CTNND2: variants seen among roughly 807,000 people sequenced by gnomAD.
CTNND2 encodes catenin delta-2.
In CTNND2, 22 loss-of-function variants were observed where a neutral mutation model predicts 144.4. The ratio of observed to expected loss-of-function variants is 0.15; its 90% CI spans 0.11 to 0.22. CTNND2 has a LOEUF of 0.22. CTNND2 is among the 10% of genes least tolerant of loss of function. The pLI is 1.00. For synonymous variants in CTNND2, 751 were observed against 695.6 expected (o/e 1.08, Z -1.25); for missense variants, 1,353 against 1,618.8 (o/e 0.84, Z 2.82).
chr5:11,459,999 A>C (rs778509608), intron 3 of CTNND2, among the ~76,000 whole-genome samples: 1 of 152,194 alleles, frequency 6.6e-6, no homozygotes, highest in Non-Finnish European at 1.5e-5. Flanking sequence ...AATTTTGATG[A>C]AGCTGAACCT....
chr5:11,524,634 T>C (rs1773054791), intron 3 of CTNND2, among the ~76,000 whole-genome samples: 1 of 152,214 alleles, frequency 6.6e-6, no homozygotes, highest in African/African-American at 2.4e-5. Context: ...GATAAGCTTC[T>C]GTCTGTTCCC....
At chr5:11,442,125 G>A (rs1166634830) in intron 3 of CTNND2, among the ~76,000 whole-genome samples, 1 of 152,110 alleles carries the variant, frequency 6.6e-6, no homozygotes, top group African/African-American at 2.4e-5. Flanking sequence ...TTATAATTCT[G>A]TGAGTCAGAG....
intron 18 of CTNND2, among the ~76,000 whole-genome samples, chr5:10,996,013 A>G (rs1189833765): frequency 6.6e-6 from 1 of 152,112 alleles, no homozygotes; most frequent in African/African-American, 2.4e-5. Flanking sequence ...GGGGATGTGG[A>G]GTGGTCCTTG....
rs889013752 is a variant in CTNND2, at chr5:11,776,783, T to C, written c.38-44511A>G. Among the ~76,000 whole-genome samples the C allele has an allele frequency of 3.9e-5, 6 of 152,158 alleles. No individual in the cohort carries two copies. The South Asian group carries it at 8.3e-4, about 21-fold the overall frequency. On this transcript the variant is annotated intron_variant, in intron 1 of 21. Coordinates refer to ENST00000304623, the MANE Select transcript of CTNND2 (RefSeq NM_001332.4). ...ATTACTTTTAAAAAACAAAATTACT[T>C]TAAAAAAAGGCATAATGTTGATCAC...
intron 9 of CTNND2, among the ~76,000 whole-genome samples, chr5:11,272,372 AT>A (rs1223023699): frequency 3.9e-5 from 6 of 152,016 alleles, no homozygotes; most frequent in African/African-American, 4.8e-5. Context: ...AGTCTAGGAA[AT>A]TTTTTTTGAA....
chr5:11,725,499 T>C (rs951587403), intron 2 of CTNND2, among the ~76,000 whole-genome samples: 2 of 152,168 alleles, frequency 1.3e-5, no homozygotes, highest in Non-Finnish European at 1.5e-5. Context: ...AACTTGACCT[T>C]AGCAAAACCT....
rs1561669477 is a variant in CTNND2 at position 11,662,244 on chromosome 5, C to CAT, written c.174+69890_174+69891dup. 2.4e-5 allele frequency among the ~76,000 whole-genome samples: 3 copies of CAT among 126,002 alleles called. No homozygotes were observed. In the East Asian group the frequency reaches 6.4e-4, roughly 27 times the overall value. The allele number at this position is 126,002 out of a possible 152,430, so 82.7% of individuals were successfully genotyped here. A position where few individuals can be genotyped will look rare whatever the true frequency, so the allele number is the denominator to read the frequency against. On this transcript the variant is annotated intron_variant, in intron 2 of 21. Coordinates refer to ENST00000304623, the MANE Select transcript of CTNND2 (RefSeq NM_001332.4). ...ATATGTGTATATATGTATATATATACATATATGTGTGTATATATGTGTGTG... is the reference window on the plus strand; with the variant it reads ...ATATGTGTATATATGTATATATATACATATATATGTGTGTATATATGTGTGTG...
At chr5:11,412,510 A>T (rs61749763) in intron 3 of CTNND2, among the ~76,000 whole-genome samples, 1 of 152,156 alleles carries the variant, frequency 6.6e-6, no homozygotes, top group South Asian at 2.1e-4. Context: ...GCCATATCAT[A>T]TTAAAATTTC....
chr5:11,030,604 T>C (rs1161035413), intron 16 of CTNND2, among the ~76,000 whole-genome samples: 1 of 152,116 alleles, frequency 6.6e-6, no homozygotes, highest in Non-Finnish European at 1.5e-5. Context: ...AGGTTTTCTA[T>C]GCCTTTATTT....
chr5:11,141,520 T>G (rs139811422), intron 12 of CTNND2, among the ~76,000 whole-genome samples: 19 of 152,314 alleles, frequency 1.2e-4, no homozygotes, highest in African/African-American at 4.3e-4. Flanking sequence ...GCTTAGTTAT[T>G]CTAAGAATAG....
chr5:11,623,802 G>GTGTA (rs1180228319), intron 2 of CTNND2, among the ~76,000 whole-genome samples: 9 of 38,546 alleles, frequency 2.3e-4, no homozygotes, highest in African/African-American at 6.3e-4. Context: ...ATATATATGT[G>GTGTA]TGTATGTATA....
chr5:11,346,871 G>A (rs905581014), intron 8 of CTNND2, among the ~76,000 whole-genome samples: 10 of 152,098 alleles, frequency 6.6e-5, no homozygotes, highest in Non-Finnish European at 1.0e-4. Context: ...TGTGTATATC[G>A]CTTACCTACA....
chr5:11,564,982 G>A lies in CTNND2; in HGVS notation c.249C>T (p.Cys83=). ...TGCTGCCAGTCTCGGATCCGAGCTT[G>A]CATCGCTCCAGCTGGCTGGCTACGA... ...RQIVASQLER[C]KLGSETGSMS... is the part of the protein sequence containing the mutation. Residue 83 remains cysteine (C), a synonymous_variant, in exon 3 of 22, where the codon TGC becomes TGT. Transcript: ENST00000304623. The A allele has an allele frequency of 6.2e-7, 1 of 1,614,084 alleles. No individual in the cohort carries two copies.
chr5:11,613,081 G>A (rs1441550287), intron 2 of CTNND2, among the ~76,000 whole-genome samples: 1 of 152,292 alleles, frequency 6.6e-6, no homozygotes, highest in East Asian at 1.9e-4. Context: ...TGCTGCCAAT[G>A]AGATACATGG....
chr5:11,704,735 T>C (rs79529538), intron 2 of CTNND2, among the ~76,000 whole-genome samples: 1,712 of 151,870 alleles, frequency 0.011, 31 homozygotes, highest in African/African-American at 0.04. Flanking sequence ...CCAGCCCAAC[T>C]ATGATATAGC....
At chr5:11,351,858 T>C (rs1441493162) in intron 8 of CTNND2, among the ~76,000 whole-genome samples, 3 of 152,162 alleles carry the variant, frequency 2.0e-5, no homozygotes, top group Admixed American at 2.0e-4. Context: ...AATTAAAGAA[T>C]GTCCCTCTGA....
chr5:11,400,288 G>A (rs1473469511), intron 5 of CTNND2, among the ~76,000 whole-genome samples: 1 of 152,070 alleles, frequency 6.6e-6, no homozygotes, highest in Non-Finnish European at 1.5e-5. Context: ...TTTCACCCAG[G>A]GAAACAGGCT....
chr5:11,322,122 GAA>G lies in CTNND2; in HGVS notation c.1628+24248_1628+24249del, dbSNP rs1245307765. Among the ~76,000 whole-genome samples, 12 of 152,258 alleles carry G rather than the reference GAA, an allele frequency of 7.9e-5. No individual in the cohort carries two copies. In the South Asian group the frequency reaches 2.5e-3, roughly 32 times the overall value. On this transcript the variant is annotated intron_variant, in intron 9 of 21. Coordinates refer to ENST00000304623, the MANE Select transcript of CTNND2 (RefSeq NM_001332.4). The stretch of plus-strand genomic sequence containing the variant: ...TACGCATCATACTCTTTCTTTTGCA[GAA>G]ACCCATCATGAACCTCACTTAAGTA...
At chr5:11,068,540 T>A (rs1747865892) in intron 16 of CTNND2, among the ~76,000 whole-genome samples, 1 of 152,200 alleles carries the variant, frequency 6.6e-6, no homozygotes, top group Non-Finnish European at 1.5e-5. Context: ...ACTTAGGAAA[T>A]CTATGTATGA....
Sources: gnomAD v4.1 joint callset for allele counts (sites outside exome capture counted in the v4.1 genomes callset) on GRCh38, gnomAD v4.1.1 for gene constraint, MANE v1.5 for transcripts, NCBI Gene and HGNC (gene_info 2026-07-23, HGNC 2026-07-21) for gene names.